Variants in TMEM117 observed in about 807,000 individuals in gnomAD.
The protein encoded by TMEM117 is transmembrane protein 117.
In TMEM117, 27 loss-of-function variants were observed where a neutral mutation model predicts 52.4. The observed-to-expected ratio is 0.51, with a 90% confidence interval of 0.38 to 0.71. The LOEUF (loss-of-function observed/expected upper bound fraction) is 0.71. TMEM117 is among the 30% of genes least tolerant of loss of function. TMEM117 has a pLI of 0.00. For missense variants in TMEM117, 556 were observed against 630.5 expected (o/e 0.88, Z 1.26); for synonymous variants, 215 against 206.3 (o/e 1.04, Z -0.36).
chr12:43,986,760 G>C (rs1408983083), intron 3 of TMEM117, among the ~76,000 whole-genome samples: 1 of 151,916 alleles, frequency 6.6e-6, no homozygotes, highest in Non-Finnish European at 1.5e-5. Context: ...TAATCATTCT[G>C]TCTTATCCTT....
At chr12:43,868,261 C>T (rs1419268515) in intron 2 of TMEM117, among the ~76,000 whole-genome samples, 1 of 150,074 alleles carries the variant, frequency 6.7e-6, no homozygotes. Flanking sequence ...ACACTTCAGG[C>T]TATGCATGGT....
At chr12:44,300,856 A>T (rs1216512976) in intron 6 of TMEM117, among the ~76,000 whole-genome samples, 1 of 152,212 alleles carries the variant, frequency 6.6e-6, no homozygotes, top group Admixed American at 6.5e-5. Context: ...TCTGACTTTG[A>T]GTTAGACAGC....
intron 3 of TMEM117, among the ~76,000 whole-genome samples, chr12:44,044,263 C>T (rs1946847145): frequency 6.6e-6 from 1 of 152,222 alleles, no homozygotes; most frequent in African/African-American, 2.4e-5. Flanking sequence ...CAGGCCCCCA[C>T]AGGTGAATCA....
At chr12:44,132,243 G>T (rs60197476) in intron 3 of TMEM117, among the ~76,000 whole-genome samples, 1 of 146,368 alleles carries the variant, frequency 6.8e-6, no homozygotes, top group African/African-American at 2.5e-5. Context: ...AAATAACATT[G>T]TGGATGATGG....
intron 3 of TMEM117, among the ~76,000 whole-genome samples, chr12:44,090,097 C>A (rs1010947224): frequency 2.0e-5 from 3 of 152,134 alleles, no homozygotes; most frequent in African/African-American, 4.8e-5. Context: ...TTCTATTCCA[C>A]ACATCAATTC....
chr12:44,273,097 C>A (rs2138573073), intron 5 of TMEM117, among the ~76,000 whole-genome samples: 1 of 152,190 alleles, frequency 6.6e-6, no homozygotes, highest in East Asian at 1.9e-4. Context: ...TGGAAACCAT[C>A]ATTCTCAGCA....
chr12:44,042,568 A>G (rs1212953509), intron 3 of TMEM117, among the ~76,000 whole-genome samples: 1 of 152,154 alleles, frequency 6.6e-6, no homozygotes, highest in African/African-American at 2.4e-5. Context: ...TAAAAGAGGC[A>G]GAAAAATGTG....
intron 4 of TMEM117, among the ~76,000 whole-genome samples, chr12:44,183,813 C>A (rs1297806436): frequency 6.6e-6 from 1 of 152,102 alleles, no homozygotes; most frequent in African/African-American, 2.4e-5. Flanking sequence ...TAGCTAATAG[C>A]CCATTTGATA....
At chr12:43,797,070 G>A in the TMEM117 span, 4 of 1,602,900 alleles carry the variant, frequency 2.5e-6, no homozygotes, top group Non-Finnish European at 3.4e-6. Flanking sequence ...TATACTGCAT[G>A]TGTATCCAGG....
intron 2 of TMEM117, among the ~76,000 whole-genome samples, chr12:43,888,984 G>T (rs1183641685): frequency 6.6e-6 from 1 of 152,146 alleles, no homozygotes; most frequent in Non-Finnish European, 1.5e-5. Flanking sequence ...TTGGCACCGG[G>T]GTGGGTTTTG....
chr12:44,101,042 G>A (rs1592516641), intron 3 of TMEM117, among the ~76,000 whole-genome samples: 1 of 151,902 alleles, frequency 6.6e-6, no homozygotes, highest in Admixed American at 6.6e-5. Context: ...GTTCCTAGAA[G>A]GTGTCTTCTT....
intron 3 of TMEM117, among the ~76,000 whole-genome samples, chr12:43,972,835 A>G (rs1945613493): frequency 6.6e-6 from 1 of 152,170 alleles, no homozygotes; most frequent in Non-Finnish European, 1.5e-5. Context: ...CTCTTGTAAG[A>G]CAGAAAAGTT....
At chr12:44,327,507 C>T (rs1255511506) in intron 6 of TMEM117, among the ~76,000 whole-genome samples, 1 of 152,142 alleles carries the variant, frequency 6.6e-6, no homozygotes, top group Non-Finnish European at 1.5e-5. Context: ...TTTACTTGCT[C>T]AGGAATCCTT....
At chr12:44,341,825 C>T (rs1277735167) in intron 6 of TMEM117, among the ~76,000 whole-genome samples, 2 of 152,210 alleles carry the variant, frequency 1.3e-5, no homozygotes, top group African/African-American at 4.8e-5. Context: ...ACATATTAGC[C>T]ATGGGCTCAG....
intron 3 of TMEM117, among the ~76,000 whole-genome samples, chr12:44,041,348 T>C (rs1338224895): frequency 1.3e-5 from 2 of 149,288 alleles, no homozygotes; most frequent in East Asian, 4.0e-4. Context: ...AAATTAACCA[T>C]TTAGCAGATC....
chr12:44,034,459 T>A (rs1235027466), intron 3 of TMEM117, among the ~76,000 whole-genome samples: 2 of 152,212 alleles, frequency 1.3e-5, no homozygotes, highest in Non-Finnish European at 2.9e-5. Context: ...GTTAAATTAG[T>A]CCAAATAGAT....
At chr12:44,393,607 A>G (rs1267667210), downstream of TMEM117, among the ~76,000 whole-genome samples, 1 of 152,072 alleles carries the variant, frequency 6.6e-6, no homozygotes, top group Non-Finnish European at 1.5e-5. Context: ...TTTCCATCAC[A>G]AACATCTATA....
chr12:43,805,891 T>G, the TMEM117 span: 2 of 1,462,822 alleles, frequency 1.4e-6, no homozygotes, highest in Non-Finnish European at 1.8e-6. Context: ...CTTCCCTACG[T>G]GACCAAAAGG....
chr12:44,121,183 TG>T (rs1295355155), intron 3 of TMEM117, among the ~76,000 whole-genome samples: 1 of 152,198 alleles, frequency 6.6e-6, no homozygotes, highest in Admixed American at 6.5e-5. Flanking sequence ...TTTCTCCCAC[TG>T]GGTCCCTCCC....
Sources: allele counts gnomAD v4.1 joint callset (sites outside exome capture counted in the v4.1 genomes callset), GRCh38; gene constraint gnomAD v4.1.1; transcripts MANE v1.5; gene names NCBI Gene and HGNC (gene_info 2026-07-23, HGNC 2026-07-21).